Variants in CNTNAP5 observed in about 807,000 individuals in gnomAD.
The protein encoded by CNTNAP5 is contactin associated protein family member 5.
A neutral mutation model predicts 150.2 loss-of-function variants in CNTNAP5; 72 were observed. The observed-to-expected ratio is 0.48, with a 90% confidence interval of 0.40 to 0.58. The LOEUF (loss-of-function observed/expected upper bound fraction) is 0.58, where lower values mean the gene tolerates loss of function less well. CNTNAP5 is among the 20% of genes least tolerant of loss of function. The probability of loss-of-function intolerance (pLI) is 0.00; values close to 1 mark genes in which losing one functional copy is unlikely to be tolerated. For synonymous variants in CNTNAP5, 672 were observed against 619.8 expected, an observed-to-expected ratio of 1.08 and a Z score of -1.25; for missense variants, 1,636 against 1,626.2, an observed-to-expected ratio of 1.01 and a Z score of -0.10.
intron 10 of CNTNAP5, among the ~76,000 whole-genome samples, chr2:124,560,951 T>C (rs1315596876): frequency 4.0e-5 from 6 of 151,834 alleles, no homozygotes. Flanking sequence ...CCCTGAACTT[T>C]CTTGGGGCCC....
At chr2:124,171,630 T>A (rs1684933810) in intron 1 of CNTNAP5, among the ~76,000 whole-genome samples, 1 of 152,196 alleles carries the variant, frequency 6.6e-6, no homozygotes, top group African/African-American at 2.4e-5. Context: ...GTGTTGGGAA[T>A]TGACTATTTC....
At chr2:124,275,625 T>A (rs1687866519) in intron 3 of CNTNAP5, among the ~76,000 whole-genome samples, 1 of 152,118 alleles carries the variant, frequency 6.6e-6, no homozygotes, top group African/African-American at 2.4e-5. Flanking sequence ...TTTATCCTAA[T>A]CTCTAATCCC....
chr2:124,882,793 G>A (rs1282415741), intron 21 of CNTNAP5, among the ~76,000 whole-genome samples: 1 of 152,030 alleles, frequency 6.6e-6, no homozygotes, highest in East Asian at 1.9e-4. Context: ...GTTCCACGTG[G>A]CTGGGGAGGC....
At chr2:124,866,807 C>T (rs987418218) in intron 20 of CNTNAP5, among the ~76,000 whole-genome samples, 4 of 152,040 alleles carry the variant, frequency 2.6e-5, no homozygotes, top group African/African-American at 9.7e-5. Flanking sequence ...GTTTTTTAAT[C>T]TGTTCTCCTG....
intron 6 of CNTNAP5, among the ~76,000 whole-genome samples, chr2:124,462,809 C>T (rs1693283514): frequency 6.6e-6 from 1 of 152,196 alleles, no homozygotes; most frequent in South Asian, 2.1e-4. Flanking sequence ...ACGAATGAAT[C>T]AAATATGCTC....
At chr2:124,721,656 T>A (rs1475698503) in intron 13 of CNTNAP5, among the ~76,000 whole-genome samples, 1 of 152,014 alleles carries the variant, frequency 6.6e-6, no homozygotes, top group Non-Finnish European at 1.5e-5. Context: ...CCCTATTTAT[T>A]TTCACAAATA....
At chr2:124,681,315 A>G (rs1269790768) in intron 13 of CNTNAP5, among the ~76,000 whole-genome samples, 2 of 151,328 alleles carry the variant, frequency 1.3e-5, no homozygotes, top group African/African-American at 4.9e-5. Context: ...AAAAAAAAAA[A>G]AAAAAAGTTG....
At chr2:124,822,740 G>C (rs1682517003) in intron 19 of CNTNAP5, among the ~76,000 whole-genome samples, 1 of 152,192 alleles carries the variant, frequency 6.6e-6, no homozygotes, top group African/African-American at 2.4e-5. Context: ...ACTCACTGCA[G>C]AGCATTTCCT....
At chr2:124,513,015 C>CTTG (rs956604845) in intron 8 of CNTNAP5, among the ~76,000 whole-genome samples, 1 of 152,130 alleles carries the variant, frequency 6.6e-6, no homozygotes, top group Non-Finnish European at 1.5e-5. Context: ...GGCCAGGTGC[C>CTTG]TTGTTTCTTT....
intron 12 of CNTNAP5, among the ~76,000 whole-genome samples, chr2:124,624,296 C>T (rs762645219): frequency 1.6e-4 from 25 of 152,298 alleles, no homozygotes; most frequent in East Asian, 3.9e-4. Context: ...CGTTTTAGCA[C>T]GGCCAGTTGA....
At chr2:124,081,621 T>C (rs979487723) in intron 1 of CNTNAP5, among the ~76,000 whole-genome samples, 4 of 152,210 alleles carry the variant, frequency 2.6e-5, no homozygotes, top group Non-Finnish European at 5.9e-5. Context: ...TTATGGCTCT[T>C]GAGCATTATC....
intron 13 of CNTNAP5, among the ~76,000 whole-genome samples, chr2:124,664,686 TG>T (rs1678661028): frequency 6.6e-6 from 1 of 152,162 alleles, no homozygotes; most frequent in Non-Finnish European, 1.5e-5. Flanking sequence ...AAAGAAGTTT[TG>T]TTTGTTTGTT....
chr2:124,356,363 T>A (rs1281896042), intron 3 of CNTNAP5, among the ~76,000 whole-genome samples: 2 of 151,350 alleles, frequency 1.3e-5, no homozygotes, highest in African/African-American at 2.4e-5. Context: ...TTGTGCAGGT[T>A]AGTTACATAT....
intron 18 of CNTNAP5, among the ~76,000 whole-genome samples, chr2:124,792,805 T>C (rs1399834793): frequency 6.6e-6 from 1 of 152,220 alleles, no homozygotes; most frequent in Non-Finnish European, 1.5e-5. Flanking sequence ...GTCTGATTTC[T>C]TTTACTTCGC....
chr2:124,768,057 C>T (rs139471459), intron 16 of CNTNAP5, among the ~76,000 whole-genome samples: 2 of 152,168 alleles, frequency 1.3e-5, no homozygotes, highest in Admixed American at 6.6e-5. Context: ...AGTGGGCTAG[C>T]TTCCCCTGAA....
chr2:124,738,238 C>G (rs1049020723), intron 13 of CNTNAP5, among the ~76,000 whole-genome samples: 2 of 152,112 alleles, frequency 1.3e-5, no homozygotes, highest in African/African-American at 4.8e-5. Flanking sequence ...TGAGAGTCCT[C>G]CCTCTTTCTT....
chr2:124,096,196 A>G (rs1682929531), intron 1 of CNTNAP5, among the ~76,000 whole-genome samples: 1 of 152,204 alleles, frequency 6.6e-6, no homozygotes, highest in African/African-American at 2.4e-5. Flanking sequence ...TAAGTAAATC[A>G]ACATTCACTA....
chr2:124,375,265 A>G (rs1690617120), intron 3 of CNTNAP5, among the ~76,000 whole-genome samples: 1 of 152,048 alleles, frequency 6.6e-6, no homozygotes. Flanking sequence ...AAAAACAGTA[A>G]ATTTCTTTTA....
In CNTNAP5 at chr2:124,153,543, T is replaced by C. The variant is rs534966166; in HGVS notation, c.83-68162T>C. Among the ~76,000 whole-genome samples, 5 of 150,764 alleles carry C rather than the reference T, an allele frequency of 3.3e-5. No individual in the cohort carries two copies. The South Asian group carries it at 1.1e-3, about 32-fold the overall frequency. ...TGAGGAGGGCCTGCTTCTCGGTTCA[T>C]AGACAGTCATCACCTCTCTATACCT... On this transcript the variant is annotated intron_variant, in intron 1 of 23. Transcript: ENST00000682447.
Sources: gnomAD v4.1 joint callset for allele counts (sites outside exome capture counted in the v4.1 genomes callset) on GRCh38, gnomAD v4.1.1 for gene constraint, MANE v1.5 for transcripts, NCBI Gene and HGNC (gene_info 2026-07-23, HGNC 2026-07-21) for gene names.